GINS4: variants seen among roughly 807,000 people sequenced by gnomAD.
GINS4 encodes GINS complex subunit 4, also known as DNA replication complex GINS protein SLD5.
GINS4 carries 20 observed loss-of-function variants against 31.1 expected under a neutral mutation model. The observed-to-expected ratio is 0.64, with a 90% CI of 0.45 to 0.93. GINS4 has a LOEUF of 0.93. Ranked by LOEUF, GINS4 falls within the 40% of genes least tolerant of loss-of-function variation. GINS4 has a pLI of 0.00. For missense variants in GINS4, 245 were observed against 273.9 expected (o/e 0.89, Z 0.75); for synonymous variants, 85 against 97.9 (o/e 0.87, Z 0.78).
At chr8:41,537,340 A>T in intron 4 of GINS4, 47 bp downstream of exon 4, 2 of 1,330,448 alleles carry the variant, frequency 1.5e-6, no homozygotes, top group Non-Finnish European at 2.1e-6. Context: ...ACAGTCTGTA[A>T]TGCAGACTGA....
At chr8:41,537,327 AGCACAGTCT>A (rs776069888) in intron 4 of GINS4, 34 bp downstream of exon 4, 14 of 1,452,136 alleles carry the variant, frequency 9.6e-6, no homozygotes, top group Non-Finnish European at 1.2e-5. Context: ...GGATTGAGAC[AGCACAGTCT>A]GTAATGCAGA....
At position 41,544,664 on chromosome 8, in the gene GINS4, C is replaced by T. The variant is rs757441415; in HGVS notation, c.*2577C>T. On this transcript the variant is annotated 3_prime_UTR_variant, in exon 8 of 8. Coordinates refer to ENST00000276533, the MANE Select transcript of GINS4 (RefSeq NM_032336.3). Reference sequence around the variant, plus strand: ...GTCACTTTTCAAAAGCATTTAATTCCCATTCAATTGAAAATGTTTCAAGAA... The same window carrying T: ...GTCACTTTTCAAAAGCATTTAATTCTCATTCAATTGAAAATGTTTCAAGAA... 1.7e-4 allele frequency: 26 copies of T among 152,004 alleles called. No individual in the cohort carries two copies. Among genetic ancestry groups the T allele is most frequent in the Non-Finnish European group, 2.4e-4 (16 of 68,028 alleles). 9.4% of individuals were successfully genotyped at this position (152,004 alleles called of 1,614,324 possible).
chr8:41,538,430 T>C (rs891874666), intron 4 of GINS4, among the ~76,000 whole-genome samples: 1 of 152,146 alleles, frequency 6.6e-6, no homozygotes, highest in Non-Finnish European at 1.5e-5. Flanking sequence ...TTTATCACAT[T>C]AGCATATTGA....
intron 6 of GINS4, among the ~76,000 whole-genome samples, chr8:41,541,297 C>T (rs1312758526): frequency 6.6e-6 from 1 of 152,036 alleles, no homozygotes; most frequent in Non-Finnish European, 1.5e-5. Flanking sequence ...TGGTGTCAAA[C>T]TCCTGGCCTC....
At chr8:41,532,029 A>G (rs1806654442) in intron 2 of GINS4, among the ~76,000 whole-genome samples, 1 of 151,480 alleles carries the variant, frequency 6.6e-6, no homozygotes, top group African/African-American at 2.4e-5. Context: ...CTGGTCTTGA[A>G]CTCCTGACCT....
intron 3 of GINS4, among the ~76,000 whole-genome samples, chr8:41,536,652 A>C (rs1322894306): frequency 6.6e-6 from 1 of 152,236 alleles, no homozygotes. Context: ...TCCCATGAAA[A>C]GTCTAAAATC....
rs1239038975 is a variant in GINS4, at chr8:41,539,721, G to A, written c.341G>A (p.Arg114His). 3.3e-5 allele frequency: 53 copies of A among 1,614,024 alleles called. No individual in the cohort carries two copies. The highest frequency in any genetic ancestry group is 4.5e-5 in the East Asian group (2 of 44,894). Residue 114 changes from arginine to histidine, a missense_variant, in exon 5 of 8, where the codon CGT (arginine) becomes CAT (histidine). Transcript: ENST00000276533. ...CATGTCCTTGAGAAGGAAAAAACACGTCCTGAGGGGGAGCCTTCCAGCCTC... is the reference window on the plus strand; with the variant it reads ...CATGTCCTTGAGAAGGAAAAAACACATCCTGAGGGGGAGCCTTCCAGCCTC... ...FPHVLEKEKT[R>H]PEGEPSSLSP...
At chr8:41,537,018 A>G (rs1331268488) in intron 3 of GINS4, 162 bp from the exon 4 acceptor site, 8 of 583,100 alleles carry the variant, frequency 1.4e-5, no homozygotes, top group South Asian at 2.0e-5. Flanking sequence ...GTCATTTTCT[A>G]AAAGTAAATG....
At chr8:41,536,318 TG>T (rs1452262916) in intron 2 of GINS4, 41 bp from the exon 3 acceptor site, 2 of 1,215,624 alleles carry the variant, frequency 1.6e-6, no homozygotes, top group Admixed American at 3.4e-5. Flanking sequence ...TGTTTAGCTC[TG>T]TGGTGGGTGA....
intron 6 of GINS4, among the ~76,000 whole-genome samples, chr8:41,541,031 G>A (rs975629822): frequency 1.3e-5 from 2 of 151,768 alleles, no homozygotes; most frequent in Non-Finnish European, 2.9e-5. Flanking sequence ...GTGTGTCCTA[G>A]TCCCCTCCCT....
intron 6 of GINS4, chr8:41,540,512 G>A (rs1389489886): frequency 6.4e-6 from 1 of 156,856 alleles, no homozygotes; most frequent in African/African-American, 2.4e-5. Context: ...AGAGAGGAGG[G>A]AGGGGAGCCG....
At position 41,543,019 on chromosome 8, in the gene GINS4, A is replaced by G. The variant is rs1276720459; in HGVS notation, c.*932A>G. 1 of 152,238 alleles carries G rather than the reference A, an allele frequency of 6.6e-6. No homozygotes were observed. The highest frequency in any genetic ancestry group is 1.5e-5 in the Non-Finnish European group (1 of 68,042). 9.4% of individuals were successfully genotyped at this position (152,238 alleles called of 1,614,324 possible). A position where few individuals can be genotyped will look rare whatever the true frequency, so the allele number is the denominator to read the frequency against. The stretch of plus-strand genomic sequence containing the variant: ...CATCACTGCCTGTGATCGGGGCTGC[A>G]TTTAGCCCTGACCTGATAATGGTAG... On this transcript the variant is annotated 3_prime_UTR_variant, in exon 8 of 8. Coordinates refer to ENST00000276533, the MANE Select transcript of GINS4 (RefSeq NM_032336.3).
intron 2 of GINS4, among the ~76,000 whole-genome samples, chr8:41,530,686 C>G (rs754974094): frequency 6.6e-6 from 1 of 152,122 alleles, no homozygotes; most frequent in Non-Finnish European, 1.5e-5. Flanking sequence ...TAAGGGAAAA[C>G]TGGTCATATT....
intron 2 of GINS4, among the ~76,000 whole-genome samples, chr8:41,533,182 C>T (rs1462098026): frequency 6.6e-6 from 1 of 152,178 alleles, no homozygotes; most frequent in Non-Finnish European, 1.5e-5. Context: ...ATAACAGGAA[C>T]TTAATGTAGA....
chr8:41,540,070 CT>C, intron 6 of GINS4, 66 bp downstream of exon 6: 1 of 1,097,024 alleles, frequency 9.1e-7, no homozygotes, highest in Admixed American at 1.7e-5. Flanking sequence ...AGGATCCTCT[CT>C]TCACTGTTTT....
Position 41,536,420 on chromosome 8 carries a change from T to C in GINS4, c.157T>C (p.Cys53Arg). 2 of 1,610,302 alleles carry C rather than the reference T, an allele frequency of 1.2e-6. No homozygotes were observed. The highest frequency in any genetic ancestry group is 1.7e-6 in the Non-Finnish European group (2 of 1,176,532). The change falls in exon 3 of 8, where the codon TGT becomes CGT. Residue 53 changes from cysteine (C) to arginine (R), a missense_variant. Coordinates refer to ENST00000276533, the MANE Select transcript of GINS4 (RefSeq NM_032336.3). The part of the protein sequence containing the change: ...LLESKPEIVE[C>R]VMEQLEHMEE... ...GGAGAGCAAGCCTGAGATTGTAGAA[T>C]GTGTCATGGAACAGCTGGAGCACAT...
At position 41,543,263 on chromosome 8, in the gene GINS4, C is replaced by T. The variant is rs1040279269; in HGVS notation, c.*1176C>T. ...TTCTGCAGCAGAAGGCACCTCTGGA[C>T]GGCTCCCGGCTTGTAGTTTAATGAA... On this transcript the variant is annotated 3_prime_UTR_variant, in exon 8 of 8. Coordinates refer to ENST00000276533, the MANE Select transcript of GINS4 (RefSeq NM_032336.3). 3.3e-5 allele frequency: 5 copies of T among 152,190 alleles called. No homozygotes were observed. Among genetic ancestry groups the T allele is most frequent in the African/African-American group, 4.8e-5 (2 of 41,444 alleles). 9.4% of individuals were successfully genotyped at this position (152,190 alleles called of 1,614,324 possible).
intron 2 of GINS4, among the ~76,000 whole-genome samples, chr8:41,531,562 A>G (rs936091845): frequency 2.0e-5 from 3 of 152,372 alleles, no homozygotes; most frequent in Non-Finnish European, 2.9e-5. Context: ...ACCTTACATG[A>G]TAATCCTTAC....
At position 41,543,467 on chromosome 8, in the gene GINS4, G is replaced by A. The variant is rs546246074; in HGVS notation, c.*1380G>A. 6.6e-6 allele frequency: 1 copy of A among 152,310 alleles called. No individual in the cohort carries two copies. Among genetic ancestry groups the A allele is most frequent in the African/African-American group, 2.4e-5 (1 of 41,584 alleles). 9.4% of individuals were successfully genotyped at this position (152,310 alleles called of 1,614,324 possible). On this transcript the variant is annotated 3_prime_UTR_variant, in exon 8 of 8. Transcript: ENST00000276533. ...TTTAAGTCCTTCACTTTTTCAAGAG[G>A]AATGGATGAAATTAATGTGCATGCA...
Sources: gnomAD v4.1 joint callset for allele counts (sites outside exome capture counted in the v4.1 genomes callset) on GRCh38, gnomAD v4.1.1 for gene constraint, MANE v1.5 for transcripts, NCBI Gene and HGNC (gene_info 2026-07-23, HGNC 2026-07-21) for gene names.